The following CTCF variants were observed in gnomAD, a reference collection of about 807,000 sequenced individuals.
The protein encoded by CTCF is CCCTC-binding factor, also known as transcriptional repressor CTCF.
A neutral mutation model predicts 72.3 loss-of-function variants in CTCF; 7 were observed. That is an observed-to-expected ratio of 0.10 (90% CI 0.06 to 0.18). The LOEUF is 0.18. CTCF is among the 10% of genes least tolerant of loss of function. The probability of loss-of-function intolerance (pLI) is 1.00; values close to 1 mark genes in which losing one functional copy is unlikely to be tolerated. For synonymous variants in CTCF, 374 were observed against 315.8 expected, an observed-to-expected ratio of 1.18 and a Z score of -1.95; for missense variants, 516 against 949.1, an observed-to-expected ratio of 0.54 and a Z score of 6.00.
chr16:67,590,793 C>T (rs1228516270), intron 2 of CTCF, among the ~76,000 whole-genome samples: 3 of 151,554 alleles, frequency 2.0e-5, no homozygotes, highest in Non-Finnish European at 4.4e-5. Flanking sequence ...CCTGTCTCTA[C>T]TAAAAATACA....
chr16:67,612,151 C>T (rs917340077), intron 4 of CTCF, 30 bp downstream of exon 4: 2 of 1,586,194 alleles, frequency 1.3e-6, no homozygotes, highest in East Asian at 2.3e-5. Flanking sequence ...GGGGCTACAA[C>T]AGCAAATGCT....
At chr16:67,569,018 T>C (rs1567589294) in intron 1 of CTCF, among the ~76,000 whole-genome samples, 1 of 151,846 alleles carries the variant, frequency 6.6e-6, no homozygotes, top group Non-Finnish European at 1.5e-5. Context: ...TTGTATTTTT[T>C]TTAGTAGAGA....
At chr16:67,605,045 T>C (rs572439746) in intron 2 of CTCF, among the ~76,000 whole-genome samples, 1 of 137,184 alleles carries the variant, frequency 7.3e-6, no homozygotes, top group Non-Finnish European at 1.5e-5. Context: ...CAATCTCGGC[T>C]CATGGCAAGC....
intron 2 of CTCF, among the ~76,000 whole-genome samples, chr16:67,588,077 C>T (rs776019627): frequency 6.6e-6 from 1 of 152,050 alleles, no homozygotes; most frequent in Non-Finnish European, 1.5e-5. Flanking sequence ...AGGCTGGTCT[C>T]GAACTCCTGA....
chr16:67,628,185 T>C (rs2052316874), intron 8 of CTCF, among the ~76,000 whole-genome samples, 185 bp from the exon 9 acceptor site: 1 of 152,156 alleles, frequency 6.6e-6, no homozygotes, highest in East Asian at 1.9e-4. Context: ...ACACCACTGC[T>C]CTCCAGACTT....
At chr16:67,592,376 G>A (rs932524215) in intron 2 of CTCF, among the ~76,000 whole-genome samples, 29 of 151,882 alleles carry the variant, frequency 1.9e-4, no homozygotes, top group African/African-American at 6.5e-4. Flanking sequence ...GTGCCACTGC[G>A]CTCCAGCCTG....
intron 2 of CTCF, chr16:67,572,387 A>G (rs940627841): frequency 2.6e-5 from 4 of 152,290 alleles, no homozygotes; most frequent in East Asian, 1.9e-4. Flanking sequence ...AGTTTAGGGA[A>G]TGGGTTTATA....
At chr16:67,608,062 C>CT (rs1012724470) in intron 2 of CTCF, among the ~76,000 whole-genome samples, 1 of 146,168 alleles carries the variant, frequency 6.8e-6, no homozygotes, top group African/African-American at 2.6e-5. Context: ...CAGTGGCTCA[C>CT]ACCTGTAATC....
intron 1 of CTCF, among the ~76,000 whole-genome samples, chr16:67,565,194 T>G (rs1398089483): frequency 6.6e-6 from 1 of 151,198 alleles, no homozygotes; most frequent in Non-Finnish European, 1.5e-5. Flanking sequence ...TAGAGACGGG[T>G]TTTCACGATG....
At chr16:67,604,083 C>A (rs1175753424) in intron 2 of CTCF, among the ~76,000 whole-genome samples, 2 of 148,224 alleles carry the variant, frequency 1.3e-5, no homozygotes, top group African/African-American at 5.0e-5. Context: ...TGAGCCATGA[C>A]CATTCTGCTG....
At position 67,626,655 on chromosome 16, in the gene CTCF, G is replaced by A. The variant is rs749319173; in HGVS notation, c.1458G>A (p.Gln486=). The A allele has an allele frequency of 3.8e-6, 6 of 1,568,554 alleles. No individual in the cohort carries two copies. In the South Asian group the frequency reaches 5.8e-5, roughly 15 times the overall value. The change falls in exon 8 of 12, where the codon CAG becomes CAA. Residue 486 remains glutamine, a synonymous_variant. Transcript: ENST00000264010. ...FHERYALIQH[Q]KSHKNEKRFK... ...AGCGCTATGCCCTCATCCAGCATCA[G>A]AAGTCACACAAGAATGAGAAGCGCT...
At chr16:67,612,432 T>G in intron 4 of CTCF, 1 of 188,914 alleles carries the variant, frequency 5.3e-6, no homozygotes, top group Non-Finnish European at 1.1e-5. Flanking sequence ...CTACTAAAAA[T>G]ACAAAAAATT....
chr16:67,590,543 T>C (rs2051728087), intron 2 of CTCF, among the ~76,000 whole-genome samples: 1 of 152,012 alleles, frequency 6.6e-6, no homozygotes, highest in Admixed American at 6.5e-5. Flanking sequence ...TTCACTGTGT[T>C]AGCCAGGATG....
chr16:67,621,698 T>C (rs1173316676), intron 7 of CTCF, 107 bp downstream of exon 7: 1 of 784,444 alleles, frequency 1.3e-6, no homozygotes, highest in Non-Finnish European at 2.0e-6. Flanking sequence ...TAACATTTTA[T>C]GTATAGGAAT....
chr16:67,577,357 CAAA>C (rs72483780), intron 2 of CTCF, among the ~76,000 whole-genome samples: 5 of 61,416 alleles, frequency 8.1e-5, no homozygotes, highest in Admixed American at 3.7e-4. Flanking sequence ...GGCTCTGTCT[CAAA>C]AAAAAAAAAA....
At chr16:67,631,856 T>G (rs890740513) in intron 10 of CTCF, among the ~76,000 whole-genome samples, 3 of 151,724 alleles carry the variant, frequency 2.0e-5, no homozygotes, top group Non-Finnish European at 4.4e-5. Flanking sequence ...GCAGATCACC[T>G]TAGCTCAGGA....
chr16:67,607,594 C>A (rs1011003870), intron 2 of CTCF, among the ~76,000 whole-genome samples: 3 of 151,960 alleles, frequency 2.0e-5, no homozygotes, highest in African/African-American at 7.2e-5. Context: ...GCGTGAGCTA[C>A]CGTGCCCGGC....
At chr16:67,607,174 C>G (rs1597709569) in intron 2 of CTCF, among the ~76,000 whole-genome samples, 1 of 152,064 alleles carries the variant, frequency 6.6e-6, no homozygotes, top group East Asian at 1.9e-4. Context: ...CCAGGCTTGT[C>G]TCCATCTCCT....
At chr16:67,573,425 G>A (rs1328463078) in intron 2 of CTCF, among the ~76,000 whole-genome samples, 2 of 151,806 alleles carry the variant, frequency 1.3e-5, no homozygotes, top group Non-Finnish European at 2.9e-5. Flanking sequence ...GAGCAAGACC[G>A]TCTCAAAAAA....
Sources: allele counts gnomAD v4.1 joint callset (sites outside exome capture counted in the v4.1 genomes callset), GRCh38; gene constraint gnomAD v4.1.1; transcripts MANE v1.5; gene names NCBI Gene and HGNC (gene_info 2026-07-23, HGNC 2026-07-21).